UBE3A: variants seen among roughly 807,000 people sequenced by gnomAD.
UBE3A encodes ubiquitin protein ligase E3A, also known as ubiquitin-protein ligase E3A.
UBE3A carries 6 observed loss-of-function variants against 83.4 expected under a neutral mutation model. The ratio of observed to expected loss-of-function variants is 0.07; its 90% CI spans 0.04 to 0.14. The LOEUF is 0.14. Ranked by LOEUF, UBE3A falls within the 10% of genes least tolerant of loss-of-function variation. UBE3A has a pLI of 1.00. For synonymous variants in UBE3A, 337 were observed against 355.4 expected (o/e 0.95, Z 0.58); for missense variants, 456 against 1,036.1 (o/e 0.44, Z 7.69).
chr15:25,428,417 G>A (rs967170631), intron 1 of UBE3A, among the ~76,000 whole-genome samples: 1 of 151,992 alleles, frequency 6.6e-6, no homozygotes, highest in Non-Finnish European at 1.5e-5. Context: ...TAAAGAAAAA[G>A]ACATGATTTT....
chr15:25,418,800 A>G lies in UBE3A; in HGVS notation c.-164-6829T>C, dbSNP rs143617675. 123 of 152,218 alleles carry G rather than the reference A, an allele frequency of 8.1e-4. 1 individual carries two copies. The highest frequency in any genetic ancestry group is 2.9e-3 in the African/African-American group (119 of 41,550). The allele number at this position is 152,218 out of a possible 1,614,324, so 9.4% of individuals were successfully genotyped here. Reference sequence around the variant, plus strand: ...ATTTTTTCATCAGGTGGTGGAGTCTATGGCCCTTCTCCTTGAATCTGAGTG... The same window carrying G: ...ATTTTTTCATCAGGTGGTGGAGTCTGTGGCCCTTCTCCTTGAATCTGAGTG... On this transcript the variant is annotated intron_variant, in intron 1 of 12. Transcript: ENST00000648336.
Position 25,354,616 on chromosome 15 carries a change from C to T in UBE3A, c.2192G>A (p.Arg731Gln). The T allele has an allele frequency of 1.2e-6, 2 of 1,613,634 alleles. No individual in the cohort carries two copies. The highest frequency in any genetic ancestry group is 1.7e-6 in the Non-Finnish European group (2 of 1,179,868). Residue 731 changes from arginine (R) to glutamine (Q), a missense_variant, in exon 10 of 13, where the codon CGG (arginine) becomes CAG (glutamine). By Grantham distance (43) the Arg-to-Gln change is conservative. This residue lies in a region of UBE3A where 82 missense variants were observed against 199.3 expected (regional missense o/e 0.41). Coordinates refer to ENST00000648336, the MANE Select transcript of UBE3A (RefSeq NM_130839.5). ...ATTGGTCACCATATGAAAACCTCTC[C>T]GAAAAGCCTTGAACTGTTTTTCTAC... ...KSVEKQFKAF[R>Q]RGFHMVTNES...
intron 4 of UBE3A, among the ~76,000 whole-genome samples, chr15:25,378,916 T>C (rs1595892324): frequency 6.6e-6 from 1 of 152,156 alleles, no homozygotes. Flanking sequence ...CTCTAATTTG[T>C]TGAGGACCTA....
Position 25,339,267 on chromosome 15 carries a change from G to A in UBE3A, c.2499-10C>T, listed in dbSNP as rs776735747. On this transcript the variant is annotated splice_polypyrimidine_tract_variant and intron_variant, in intron 12 of 12. Coordinates refer to ENST00000648336, the MANE Select transcript of UBE3A (RefSeq NM_130839.5). The stretch of plus-strand genomic sequence containing the variant: ...ATGAGATGTAGGTAACCTAAATAGA[G>A]AAAAGGGGAAAAAAACAGGAAAACT... The A allele has an allele frequency of 2.5e-6, 4 of 1,610,142 alleles. No homozygotes were observed. In the African/African-American group the frequency reaches 4.0e-5, roughly 16 times the overall value.
At chr15:25,352,724 G>A (rs887234919) in intron 11 of UBE3A, among the ~76,000 whole-genome samples, 1 of 152,168 alleles carries the variant, frequency 6.6e-6, no homozygotes, top group African/African-American at 2.4e-5. Flanking sequence ...CCGAATACTT[G>A]TAGACTATTT....
intron 6 of UBE3A, among the ~76,000 whole-genome samples, chr15:25,367,225 A>G (rs897080826): frequency 4.9e-4 from 36 of 73,126 alleles, no homozygotes; most frequent in Non-Finnish European, 8.0e-4. Context: ...AAATATTTAC[A>G]TATTTGTAAA....
At chr15:25,416,872 A>C (rs1217014519) in intron 1 of UBE3A, among the ~76,000 whole-genome samples, 2 of 152,118 alleles carry the variant, frequency 1.3e-5, no homozygotes, top group African/African-American at 4.8e-5. Flanking sequence ...GCCTGGAGGT[A>C]ATTTCCAACC....
At chr15:25,424,063 A>G (rs773333746) in intron 1 of UBE3A, among the ~76,000 whole-genome samples, 4 of 152,116 alleles carry the variant, frequency 2.6e-5, no homozygotes, top group African/African-American at 4.8e-5. Context: ...ACCTTGCTAA[A>G]CATAAGTCAT....
chr15:25,398,191 A>AAC (rs1372337838), intron 4 of UBE3A, among the ~76,000 whole-genome samples: 1 of 120,812 alleles, frequency 8.3e-6, no homozygotes, highest in African/African-American at 2.9e-5. Context: ...AAAAAAAAAA[A>AAC]CACAAAAAAC....
At chr15:25,423,508 A>G (rs1485661096) in intron 1 of UBE3A, among the ~76,000 whole-genome samples, 1 of 152,214 alleles carries the variant, frequency 6.6e-6, no homozygotes, top group Non-Finnish European at 1.5e-5. Context: ...TTTCCAAAAC[A>G]GGCAAAGGGT....
At chr15:25,431,712 G>C (rs1252884287) in intron 1 of UBE3A, among the ~76,000 whole-genome samples, 1 of 152,134 alleles carries the variant, frequency 6.6e-6, no homozygotes, top group African/African-American at 2.4e-5. Flanking sequence ...AAAGAAAAAT[G>C]TTACCCAATT....
chr15:25,422,400 T>C (rs1190408286), intron 1 of UBE3A, among the ~76,000 whole-genome samples: 1 of 152,152 alleles, frequency 6.6e-6, no homozygotes, highest in Non-Finnish European at 1.5e-5. Context: ...ATGGGTGCAT[T>C]TCATTGTGTA....
At chr15:25,351,049 A>C (rs529224457) in intron 11 of UBE3A, among the ~76,000 whole-genome samples, 18 of 152,302 alleles carry the variant, frequency 1.2e-4, no homozygotes, top group African/African-American at 4.3e-4. Flanking sequence ...CTGTATTCAA[A>C]TTTTACCCCA....
chr15:25,416,506 A>G (rs1196264485), intron 1 of UBE3A, among the ~76,000 whole-genome samples: 5 of 152,086 alleles, frequency 3.3e-5, no homozygotes, highest in Non-Finnish European at 7.4e-5. Context: ...ATGGAAGAAA[A>G]GGGGTAGTGA....
Position 25,365,965 on chromosome 15 carries a change from G to A in UBE3A, c.1608+4601C>T, listed in dbSNP as rs531842808. Reference sequence around the variant, plus strand: ...TAATCACGTTCGTCCATGAGACCTGGAATCCTGACTTCTATTTCCAATTCT... The same window carrying A: ...TAATCACGTTCGTCCATGAGACCTGAAATCCTGACTTCTATTTCCAATTCT... On this transcript the variant is annotated intron_variant, in intron 6 of 12. Coordinates refer to ENST00000648336, the MANE Select transcript of UBE3A (RefSeq NM_130839.5). Among the ~76,000 whole-genome samples, 3 of 152,252 alleles carry A rather than the reference G, an allele frequency of 2.0e-5. No individual in the cohort carries two copies. In the East Asian group the frequency reaches 5.8e-4, roughly 29 times the overall value.
chr15:25,392,579 G>T (rs139658177), intron 4 of UBE3A, among the ~76,000 whole-genome samples: 2 of 152,076 alleles, frequency 1.3e-5, no homozygotes, highest in Non-Finnish European at 2.9e-5. Flanking sequence ...AGAAAGCCAC[G>T]ATTTCAATAT....
At chr15:25,410,091 T>C (rs1451901461) in intron 2 of UBE3A, among the ~76,000 whole-genome samples, 1 of 152,114 alleles carries the variant, frequency 6.6e-6, no homozygotes, top group Non-Finnish European at 1.5e-5. Flanking sequence ...CATGTATACA[T>C]ATGTAACTAA....
At chr15:25,387,245 G>A (rs1322755693) in intron 4 of UBE3A, among the ~76,000 whole-genome samples, 2 of 152,224 alleles carry the variant, frequency 1.3e-5, no homozygotes, top group Non-Finnish European at 2.9e-5. Context: ...ATCTAGGCCG[G>A]GCGCTGTGGC....
At chr15:25,354,883 C>A (rs2077008943) in intron 9 of UBE3A, among the ~76,000 whole-genome samples, 200 bp from the exon 10 acceptor site, 1 of 151,866 alleles carries the variant, frequency 6.6e-6, no homozygotes, top group Non-Finnish European at 1.5e-5. Context: ...AGGCCATATA[C>A]ATAAAACTGT....
Sources: gnomAD v4.1 joint callset for allele counts (sites outside exome capture counted in the v4.1 genomes callset) on GRCh38, gnomAD v4.1.1 for gene constraint, gnomAD v4.1.1 regional missense constraint, MANE v1.5 for transcripts, NCBI Gene and HGNC (gene_info 2026-07-23, HGNC 2026-07-21) for gene names.